Variants in ADAMTS3 observed in about 807,000 individuals in gnomAD.
The protein encoded by ADAMTS3 is A disintegrin and metalloproteinase with thrombospondin motifs 3.
Under a neutral mutation model 129.0 loss-of-function variants are expected in ADAMTS3, and 73 were observed. The ratio of observed to expected loss-of-function variants is 0.57; its 90% confidence interval spans 0.47 to 0.69. ADAMTS3 has a LOEUF of 0.69. Ranked by LOEUF, ADAMTS3 falls within the 30% of genes least tolerant of loss-of-function variation. ADAMTS3 has a pLI of 0.00. For missense variants in ADAMTS3, 1,457 were observed against 1,514.5 expected (o/e 0.96, Z 0.63); for synonymous variants, 477 against 510.8 (o/e 0.93, Z 0.89).
intron 3 of ADAMTS3, among the ~76,000 whole-genome samples, chr4:72,458,584 T>G (rs1027922100): frequency 6.6e-6 from 1 of 151,530 alleles, no homozygotes; most frequent in African/African-American, 2.4e-5. Context: ...TTTTAGATAC[T>G]TGAATGAATG....
chr4:72,480,440 C>T (rs1418845968), intron 3 of ADAMTS3, among the ~76,000 whole-genome samples: 1 of 151,580 alleles, frequency 6.6e-6, no homozygotes, highest in African/African-American at 2.4e-5. Flanking sequence ...TAAACTATCG[C>T]AAGGACAAAA....
At chr4:72,495,959 AATGTACT>A (rs1446191233) in intron 3 of ADAMTS3, among the ~76,000 whole-genome samples, 1 of 152,220 alleles carries the variant, frequency 6.6e-6, no homozygotes, top group Non-Finnish European at 1.5e-5. Flanking sequence ...GTCAACTACA[AATGTACT>A]ATGTACCTAC....
rs1440949354 is a variant in ADAMTS3 at position 72,425,649 on chromosome 4, A to G, written c.505-10678T>C. ...GATTTCCAGCTTCATCCACGTCCCTAAAACGACATGAACTCATCCTTTTTT... is the reference window on the plus strand; with the variant it reads ...GATTTCCAGCTTCATCCACGTCCCTGAAACGACATGAACTCATCCTTTTTT... On this transcript the variant is annotated intron_variant, in intron 3 of 21. Transcript: ENST00000286657. Among the ~76,000 whole-genome samples, 5 of 152,242 alleles carry G rather than the reference A, an allele frequency of 3.3e-5. No individual in the cohort carries two copies. In the East Asian group the frequency reaches 9.7e-4, roughly 29 times the overall value.
intron 18 of ADAMTS3, among the ~76,000 whole-genome samples, chr4:72,297,566 T>C (rs906502913): frequency 6.6e-6 from 1 of 152,116 alleles, no homozygotes; most frequent in African/African-American, 2.4e-5. Flanking sequence ...AGCACTTGTT[T>C]AGAACTAGAG....
At chr4:72,516,150 T>C (rs1239567881) in intron 3 of ADAMTS3, among the ~76,000 whole-genome samples, 2 of 152,286 alleles carry the variant, frequency 1.3e-5, no homozygotes, top group African/African-American at 4.8e-5. Flanking sequence ...TAGTTGTAGA[T>C]ATGCAGCATT....
chr4:72,317,969 C>T (rs1034747148), intron 10 of ADAMTS3, among the ~76,000 whole-genome samples: 10 of 151,278 alleles, frequency 6.6e-5, no homozygotes, highest in Admixed American at 5.3e-4. Context: ...GCGGAGGTTG[C>T]AGTGAGCTGA....
rs139575975 is a variant in ADAMTS3, at chr4:72,353,876, G to C, written c.662-14183C>G. On this transcript the variant is annotated intron_variant, in intron 4 of 21. Transcript: ENST00000286657. ...ACCTGCAGGATCCCTCCTACTTCTA[G>C]AATTCCATGTTGTGATTCTTTACTG... Among the ~76,000 whole-genome samples, 248 of 151,974 alleles carry C rather than the reference G, an allele frequency of 1.6e-3. 1 individual carries two copies. Among genetic ancestry groups the C allele is most frequent in the African/African-American group, 5.6e-3 (232 of 41,494 alleles).
chr4:72,456,780 G>A (rs1362328814), intron 3 of ADAMTS3, among the ~76,000 whole-genome samples: 2 of 151,244 alleles, frequency 1.3e-5, no homozygotes. Context: ...TTTAATTGGG[G>A]GTGCATTCTT....
intron 3 of ADAMTS3, among the ~76,000 whole-genome samples, chr4:72,466,648 G>A (rs916139096): frequency 6.6e-6 from 1 of 151,970 alleles, no homozygotes; most frequent in Admixed American, 6.6e-5. Flanking sequence ...GCCTCCCTGT[G>A]GCTGCATCTT....
chr4:72,466,581 C>T (rs1357527645), intron 3 of ADAMTS3, among the ~76,000 whole-genome samples: 4 of 151,978 alleles, frequency 2.6e-5, no homozygotes, highest in African/African-American at 9.7e-5. Flanking sequence ...GAATGAGAGC[C>T]TTCAAGCTTG....
intron 3 of ADAMTS3, among the ~76,000 whole-genome samples, chr4:72,512,576 T>C (rs1434128586): frequency 2.6e-5 from 4 of 152,190 alleles, no homozygotes; most frequent in Admixed American, 6.5e-5. Context: ...AACTAAATTG[T>C]ATATTTTAAC....
At chr4:72,376,444 T>G (rs1436302794) in intron 4 of ADAMTS3, among the ~76,000 whole-genome samples, 3 of 152,114 alleles carry the variant, frequency 2.0e-5, no homozygotes, top group Non-Finnish European at 4.4e-5. Flanking sequence ...TCCATTATTG[T>G]GGAGGTAGAA....
chr4:72,452,739 T>C (rs1578691950), intron 3 of ADAMTS3, among the ~76,000 whole-genome samples: 1 of 151,740 alleles, frequency 6.6e-6, no homozygotes, highest in South Asian at 2.1e-4. Context: ...GTCCTACAAA[T>C]TGGGCAGGTT....
intron 3 of ADAMTS3, among the ~76,000 whole-genome samples, chr4:72,428,932 A>G (rs1035667259): frequency 6.6e-6 from 1 of 152,102 alleles, no homozygotes; most frequent in Non-Finnish European, 1.5e-5. Context: ...TAAGACTCAT[A>G]TACTTAACTC....
At chr4:72,398,763 A>T (rs1469799547) in intron 4 of ADAMTS3, among the ~76,000 whole-genome samples, 1 of 152,180 alleles carries the variant, frequency 6.6e-6, no homozygotes, top group Non-Finnish European at 1.5e-5. Context: ...TGACTAAGTA[A>T]GCAAGTTCTA....
intron 4 of ADAMTS3, among the ~76,000 whole-genome samples, chr4:72,396,870 G>A (rs904946960): frequency 3.9e-5 from 6 of 152,116 alleles, no homozygotes; most frequent in Admixed American, 2.6e-4. Flanking sequence ...ATGCTGTTGC[G>A]CTTTTATTTT....
intron 3 of ADAMTS3, among the ~76,000 whole-genome samples, chr4:72,538,132 G>A (rs964913580): frequency 1.3e-5 from 2 of 152,162 alleles, no homozygotes; most frequent in Admixed American, 1.3e-4. Flanking sequence ...GAGGCTAAAG[G>A]ACCTGTGGAA....
At chr4:72,546,718 G>C (rs1423425858) in intron 3 of ADAMTS3, among the ~76,000 whole-genome samples, 2 of 152,156 alleles carry the variant, frequency 1.3e-5, no homozygotes, top group East Asian at 3.9e-4. Context: ...GCAAATTGTA[G>C]ACCACAAAAT....
intron 3 of ADAMTS3, among the ~76,000 whole-genome samples, chr4:72,476,691 A>G (rs1019212015): frequency 6.6e-6 from 1 of 152,184 alleles, no homozygotes; most frequent in Non-Finnish European, 1.5e-5. Flanking sequence ...GATGAAAGAA[A>G]GAGAAGGAAA....
Sources: allele counts gnomAD v4.1 joint callset (sites outside exome capture counted in the v4.1 genomes callset), GRCh38; gene constraint gnomAD v4.1.1; transcripts MANE v1.5; gene names NCBI Gene and HGNC (gene_info 2026-07-23, HGNC 2026-07-21).